The following HMCN2 variants were observed in gnomAD, a reference collection of about 807,000 sequenced individuals.
HMCN2 encodes hemicentin 2, also known as hemicentin-2.
A neutral mutation model predicts 377.5 loss-of-function variants in HMCN2; 325 were observed. That is an observed-to-expected ratio of 0.86 (90% CI 0.79 to 0.94). HMCN2 has a LOEUF of 0.94. Ranked by LOEUF, HMCN2 falls within the 40% of genes least tolerant of loss-of-function variation. HMCN2 has a pLI of 0.00. For missense variants in HMCN2, 4,543 were observed against 4,725.3 expected, an observed-to-expected ratio of 0.96 and a Z score of 1.13; for synonymous variants, 2,007 against 2,046.8, an observed-to-expected ratio of 0.98 and a Z score of 0.53.
At chr9:130,286,103 A>G (rs1554927542) in intron 3 of HMCN2, 85 bp from the exon 4 acceptor site, 2 of 449,750 alleles carry the variant, frequency 4.4e-6, no homozygotes, top group African/African-American at 4.0e-5. Flanking sequence ...ACTCCAGGTC[A>G]CTCCACCCTG....
At chr9:130,391,393 GC>G in intron 64 of HMCN2, 30 bp downstream of exon 64, 1 of 987,798 alleles carries the variant, frequency 1.0e-6, no homozygotes, top group Non-Finnish European at 1.2e-6. Context: ...CTCCCCAGAG[GC>G]GGTAGGGCCC....
At position 130,391,926 on chromosome 9, in the gene HMCN2, C is replaced by T; in HGVS notation, c.9953-9C>T. On this transcript the variant is annotated splice_polypyrimidine_tract_variant and intron_variant, in intron 65 of 97. Coordinates refer to ENST00000683500, the MANE Select transcript of HMCN2 (RefSeq NM_001291815.2). ...CCGCACTACCCCTCTTTTTTCTACC[C>T]ACCCTCAGTTCCTCCCACCATCAAG... The T allele has an allele frequency of 1.0e-6, 1 of 987,858 alleles. No homozygotes were observed. The highest frequency in any genetic ancestry group is 1.2e-6 in the Non-Finnish European group (1 of 830,062). 61.2% of individuals were successfully genotyped at this position (987,858 alleles called of 1,614,324 possible).
At chr9:130,372,766 G>A (rs979268855) in intron 47 of HMCN2, among the ~76,000 whole-genome samples, 2 of 152,158 alleles carry the variant, frequency 1.3e-5, no homozygotes, top group Non-Finnish European at 2.9e-5. Context: ...GAAACAGCAG[G>A]GACAATCGAA....
At position 130,369,359 on chromosome 9, in the gene HMCN2, T is replaced by G. The variant is rs1840886159; in HGVS notation, c.6788-211T>G. 6.6e-6 allele frequency among the ~76,000 whole-genome samples: 1 copy of G among 152,292 alleles called. No homozygotes were observed. The highest frequency in any genetic ancestry group is 1.5e-5 in the Non-Finnish European group (1 of 68,018). ...CTTCCTGAAAGGGCTGTTCCCCACA[T>G]AGCAGGCCTGCCTGTGACTCCCAGG... On this transcript the variant is annotated intron_variant, in intron 44 of 97. Transcript: ENST00000683500. This position sits in a 1 kb window ranked among gnomAD's most constrained non-coding sequence, Gnocchi z 4.5.
intron 94 of HMCN2, chr9:130,430,000 G>A (rs1015855924): frequency 3.4e-6 from 2 of 596,998 alleles, no homozygotes; most frequent in African/African-American, 1.9e-5. Context: ...AGAGGCTTAG[G>A]AGAGGGAATG....
Position 130,402,816 on chromosome 9 carries a change from C to T in HMCN2, c.11798C>T (p.Pro3933Leu), listed in dbSNP as rs893917620. 3 of 1,289,774 alleles carry T rather than the reference C, an allele frequency of 2.3e-6. No homozygotes were observed. The highest frequency in any genetic ancestry group is 3.0e-6 in the Non-Finnish European group (3 of 988,838). The allele number at this position is 1,289,774 out of a possible 1,614,324, so 79.9% of individuals were successfully genotyped here. Residue 3933 changes from proline to leucine, a missense_variant, in exon 78 of 98, where the codon CCC (proline) becomes CTC (leucine). This residue lies in a region of HMCN2 where 1,073 missense variants were observed against 1,319.5 expected (regional missense o/e 0.81). Transcript: ENST00000683500. Reference sequence around the variant, plus strand: ...GCCCTGGAGATCGGGCAGGCCCTCCCCATCCACGCAGGCCGCTACACCTGC... The same window carrying T: ...GCCCTGGAGATCGGGCAGGCCCTCCTCATCCACGCAGGCCGCTACACCTGC... ...SGALEIGQAL[P>L]IHAGRYTCSA...
At chr9:130,427,888 C>T (rs911491770) in intron 92 of HMCN2, among the ~76,000 whole-genome samples, 2 of 152,210 alleles carry the variant, frequency 1.3e-5, no homozygotes, top group African/African-American at 4.8e-5. Flanking sequence ...ATGCTCACCG[C>T]ATTCTGAACC....
chr9:130,392,190 A>C, intron 66 of HMCN2, 72 bp downstream of exon 66: 1 of 968,234 alleles, frequency 1.0e-6, no homozygotes, highest in Non-Finnish European at 1.2e-6. Context: ...AGCAAATGGG[A>C]GGTGCTGGAA....
At chr9:130,301,956 G>T (rs150981422) in intron 8 of HMCN2, among the ~76,000 whole-genome samples, 1 of 152,198 alleles carries the variant, frequency 6.6e-6, no homozygotes, top group African/African-American at 2.4e-5. Context: ...GGTCCCATGG[G>T]GCTCATTACA....
In HMCN2 at chr9:130,393,769, T is replaced by C; in HGVS notation, c.10262T>C (p.Phe3421Ser). ...CCCCCTGTCCTGGAGCCGGTGGAGT[T>C]CCAGAATGACGTGGTGGTGGTTCGT... is the stretch of plus-strand genomic sequence containing the variant. ...QVPPVLEPVEFQNDVVVVRGS... is the reference protein window; with the variant it reads ...QVPPVLEPVESQNDVVVVRGS... Residue 3421 changes from phenylalanine (F) to serine (S), a missense_variant, in exon 68 of 98, where the codon TTC becomes TCC. By Grantham distance (155) the Phe-to-Ser change is radical. Around this residue, in one of 5 missense-constraint regions of HMCN2, gnomAD observed 1,073 missense variants for 1,319.5 expected, o/e 0.81. Coordinates refer to ENST00000683500, the MANE Select transcript of HMCN2 (RefSeq NM_001291815.2). The surrounding 1 kb of genome is among the most constrained non-coding windows in gnomAD (Gnocchi z 5.2). The C allele has an allele frequency of 7.8e-7, 1 of 1,274,874 alleles. No individual in the cohort carries two copies. Among genetic ancestry groups the C allele is most frequent in the Non-Finnish European group, 1.0e-6 (1 of 981,720 alleles). The allele number at this position is 1,274,874 out of a possible 1,614,324, so 79.0% of individuals were successfully genotyped here.
rs1842962768 is a variant in HMCN2, at chr9:130,403,743, G to C, written c.12016G>C (p.Val4006Leu). 7.8e-7 allele frequency: 1 copy of C among 1,289,594 alleles called. No homozygotes were observed. Among genetic ancestry groups the C allele is most frequent in the Non-Finnish European group, 1.0e-6 (1 of 988,820 alleles). The allele number at this position is 1,289,594 out of a possible 1,614,324, so 79.9% of individuals were successfully genotyped here. A position where few individuals can be genotyped will look rare whatever the true frequency, so the allele number is the denominator to read the frequency against. Residue 4006 changes from valine (V) to leucine (L), a missense_variant and splice_region_variant, in exon 80 of 98, where the codon GTG becomes CTG. Physicochemically the swap from Val to Leu is conservative, Grantham distance 32 (BLOSUM62 1). Around this residue, in one of 5 missense-constraint regions of HMCN2, gnomAD observed 1,073 missense variants for 1,319.5 expected, o/e 0.81. Transcript: ENST00000683500. ...QKEGLNVATG[V>L]STQVLPGGQL... Reference sequence around the variant, plus strand: ...CGATTTTCTTCTTCCTCGTTCAGGAGTGAGTACCCAGGTCCTACCAGGCGG... The same window carrying C: ...CGATTTTCTTCTTCCTCGTTCAGGACTGAGTACCCAGGTCCTACCAGGCGG...
At position 130,392,114 on chromosome 9, in the gene HMCN2, C is replaced by T; in HGVS notation, c.10132C>T (p.Leu3378Phe). Residue 3378 changes from leucine to phenylalanine, a missense_variant, in exon 66 of 98, where the codon CTC (leucine) becomes TTC (phenylalanine). Leu to Phe is a conservative substitution (Grantham distance 22). Around this residue, in one of 5 missense-constraint regions of HMCN2, gnomAD observed 1,073 missense variants for 1,319.5 expected, o/e 0.81. Coordinates refer to ENST00000683500, the MANE Select transcript of HMCN2 (RefSeq NM_001291815.2). ...RTLLHGSGHT[L>F]RISKVQLADA... ...CCTCCTCCACGGCTCTGGCCACACCCTCAGGTAGGGGAGACGGTGGACAGG... is the reference window on the plus strand; with the variant it reads ...CCTCCTCCACGGCTCTGGCCACACCTTCAGGTAGGGGAGACGGTGGACAGG... The T allele has an allele frequency of 1.0e-6, 1 of 988,238 alleles. No individual in the cohort carries two copies. The allele number at this position is 988,238 out of a possible 1,614,324, so 61.2% of individuals were successfully genotyped here. A position where few individuals can be genotyped will look rare whatever the true frequency, so the allele number is the denominator to read the frequency against.
rs782263997 is a variant in HMCN2, at chr9:130,304,841, G to A, written c.1655G>A (p.Arg552Gln). ...GCCCCCTACAACCTGACGTGGGTCC[G>A]GGACTGGCGAGTCCTGCCGGCCTCG... is the stretch of plus-strand genomic sequence containing the variant. ...GEAPYNLTWV[R>Q]DWRVLPASTG... Residue 552 changes from arginine to glutamine, a missense_variant, in exon 11 of 98, where the codon CGG (arginine) becomes CAG (glutamine). By Grantham distance (43) the Arg-to-Gln change is conservative. Transcript: ENST00000683500. The surrounding 1 kb of genome is among the most constrained non-coding windows in gnomAD (Gnocchi z 4.3). The A allele has an allele frequency of 1.7e-5, 8 of 471,128 alleles. No homozygotes were observed. The highest frequency in any genetic ancestry group is 2.3e-5 in the Admixed American group (1 of 42,594). 29.2% of individuals were successfully genotyped at this position (471,128 alleles called of 1,614,324 possible).
At chr9:130,286,814 C>T (rs539026442) in intron 4 of HMCN2, among the ~76,000 whole-genome samples, 5 of 152,284 alleles carry the variant, frequency 3.3e-5, no homozygotes, top group African/African-American at 9.6e-5. Flanking sequence ...CCTACAGTGC[C>T]GGGATCTGCG....
intron 1 of HMCN2, among the ~76,000 whole-genome samples, chr9:130,272,789 C>A (rs191986452): frequency 8.6e-4 from 131 of 152,336 alleles, no homozygotes; most frequent in African/African-American, 2.6e-3. Flanking sequence ...AACTCCTGGG[C>A]TCAAGCGGTC....
At chr9:130,396,088 C>A (rs1554966694) in intron 72 of HMCN2, 23 bp downstream of exon 72, 1 of 1,246,186 alleles carries the variant, frequency 8.0e-7, no homozygotes, top group Non-Finnish European at 1.0e-6. Flanking sequence ...CGCCCCACCC[C>A]ACCCTGCCCA....
chr9:130,322,074 G>A (rs1420542165), intron 19 of HMCN2, 143 bp downstream of exon 19: 1 of 152,074 alleles, frequency 6.6e-6, no homozygotes, highest in Non-Finnish European at 1.5e-5. Flanking sequence ...GAAAATTAGG[G>A]ATTTGACAAG....
chr9:130,408,994 T>C, intron 84 of HMCN2, 61 bp downstream of exon 84: 3 of 1,143,374 alleles, frequency 2.6e-6, no homozygotes, highest in Non-Finnish European at 3.4e-6. Context: ...CTTTTTCAGA[T>C]TGTTCAAGAG....
At chr9:130,384,267 G>T (rs1841894518) in intron 57 of HMCN2, 106 bp from the exon 58 acceptor site, 9 of 946,766 alleles carry the variant, frequency 9.5e-6, no homozygotes, top group Non-Finnish European at 1.3e-5. Context: ...TTGTGCCGAG[G>T]TGAAGCCCCA....
Sources: gnomAD v4.1 joint callset for allele counts (sites outside exome capture counted in the v4.1 genomes callset) on GRCh38, gnomAD v4.1.1 for gene constraint, gnomAD v4.1.1 regional missense constraint, Gnocchi (gnomAD v3.1) non-coding constraint, MANE v1.5 for transcripts, NCBI Gene and HGNC (gene_info 2026-07-23, HGNC 2026-07-21) for gene names.